The following ALK variants were observed in gnomAD, a reference collection of about 807,000 sequenced individuals.
ALK encodes ALK tyrosine kinase receptor.
In ALK, 74 loss-of-function variants were observed where a neutral mutation model predicts 163.1. That is an observed-to-expected ratio of 0.45 (90% CI 0.38 to 0.55). ALK has a LOEUF of 0.55. Ranked by LOEUF, ALK falls within the 20% of genes least tolerant of loss-of-function variation. The probability of loss-of-function intolerance (pLI) is 0.00; values close to 1 mark genes in which losing one functional copy is unlikely to be tolerated. For synonymous variants in ALK, 960 were observed against 843.2 expected (o/e 1.14, Z -2.40); for missense variants, 2,063 against 2,105.3 (o/e 0.98, Z 0.39).
intron 22 of ALK, 153 bp from the exon 23 acceptor site, chr2:29,220,988 C>G (rs2148167128): frequency 9.3e-7 from 1 of 1,075,078 alleles, no homozygotes; most frequent in Non-Finnish European, 1.4e-6. Context: ...CGGGCTGAGC[C>G]TAAACCCAGA....
At chr2:29,432,976 G>A (rs957411993) in intron 4 of ALK, among the ~76,000 whole-genome samples, 6 of 152,086 alleles carry the variant, frequency 3.9e-5, no homozygotes, top group South Asian at 4.2e-4. Context: ...TGTATGAGCA[G>A]GAAATAGATA....
chr2:29,694,889 C>G lies in ALK; in HGVS notation c.913G>C (p.Asp305His), dbSNP rs2148289684. 1 of 1,614,104 alleles carries G rather than the reference C, an allele frequency of 6.2e-7. No homozygotes were observed. Among genetic ancestry groups the G allele is most frequent in the Non-Finnish European group, 8.5e-7 (1 of 1,179,990 alleles). The change falls in exon 3 of 29, where the codon GAT (aspartate) becomes CAT (histidine). Residue 305 changes from aspartate (D) to histidine (H), a missense_variant. Physicochemically the swap from Asp to His is moderately conservative, Grantham distance 81. Coordinates refer to ENST00000389048, the MANE Select transcript of ALK (RefSeq NM_004304.5). Reference sequence around the variant, plus strand: ...TTAGAACGCTCTGCCCCAGGCCCATCCAGCAAGTCCATCTGGGAGGCCTCC... The same window carrying G: ...TTAGAACGCTCTGCCCCAGGCCCATGCAGCAAGTCCATCTGGGAGGCCTCC... The part of the protein sequence containing the change: ...SEEASQMDLL[D>H]GPGAERSKEM...
At chr2:29,615,123 C>A (rs1339983500) in intron 3 of ALK, among the ~76,000 whole-genome samples, 1 of 152,152 alleles carries the variant, frequency 6.6e-6, no homozygotes, top group Non-Finnish European at 1.5e-5. Flanking sequence ...CCAGCCAATG[C>A]TTTTCTTTAA....
At chr2:29,320,969 C>T in intron 6 of ALK, 87 bp from the exon 7 acceptor site, 2 of 1,512,672 alleles carry the variant, frequency 1.3e-6, no homozygotes, top group Non-Finnish European at 9.2e-7. Flanking sequence ...CCAGGCATGA[C>T]CAAATTATCT....
intron 3 of ALK, among the ~76,000 whole-genome samples, chr2:29,580,757 C>T (rs532514598): frequency 6.0e-4 from 92 of 152,306 alleles, no homozygotes; most frequent in South Asian, 3.5e-3. Flanking sequence ...CGGGCCCTGA[C>T]GTGGTTTGGG....
intron 5 of ALK, among the ~76,000 whole-genome samples, chr2:29,336,976 C>G (rs189496139): frequency 6.6e-6 from 1 of 152,134 alleles, no homozygotes; most frequent in African/African-American, 2.4e-5. Flanking sequence ...GGACTCAGGT[C>G]AAACCTGGGG....
intron 11 of ALK, among the ~76,000 whole-genome samples, chr2:29,253,837 A>T (rs1664881513): frequency 6.9e-6 from 1 of 145,024 alleles, no homozygotes; most frequent in Admixed American, 7.0e-5. Context: ...GAATACATAT[A>T]TCTATATTAG....
chr2:29,619,503 C>T (rs1005685111), intron 3 of ALK, among the ~76,000 whole-genome samples: 1 of 152,166 alleles, frequency 6.6e-6, no homozygotes, highest in African/African-American at 2.4e-5. Context: ...TGTTGCCTTC[C>T]TTCTCTCTGC....
intron 8 of ALK, among the ~76,000 whole-genome samples, chr2:29,305,978 C>T (rs1322368491): frequency 2.6e-5 from 4 of 152,074 alleles, no homozygotes; most frequent in East Asian, 1.9e-4. Flanking sequence ...GGCAGTAACG[C>T]GAGGGATGGC....
chr2:29,511,687 G>T (rs1216619593), intron 4 of ALK, among the ~76,000 whole-genome samples: 6 of 152,092 alleles, frequency 3.9e-5, no homozygotes, highest in Non-Finnish European at 8.8e-5. Flanking sequence ...TGTATGGTAG[G>T]CATATGTCTA....
At chr2:29,422,163 C>T (rs1305429535) in intron 4 of ALK, among the ~76,000 whole-genome samples, 1 of 151,420 alleles carries the variant, frequency 6.6e-6, no homozygotes, top group South Asian at 2.1e-4. Flanking sequence ...TGTGACTCCA[C>T]CTTTCTAAGT....
At chr2:29,491,999 A>G (rs1671914671) in intron 4 of ALK, among the ~76,000 whole-genome samples, 1 of 152,216 alleles carries the variant, frequency 6.6e-6, no homozygotes, top group Non-Finnish European at 1.5e-5. Flanking sequence ...AATACTTATA[A>G]ATTGCACAAT....
intron 8 of ALK, among the ~76,000 whole-genome samples, chr2:29,304,542 C>A (rs1411404602): frequency 6.6e-6 from 1 of 151,746 alleles, no homozygotes; most frequent in Non-Finnish European, 1.5e-5. Context: ...GAATCTCTGG[C>A]CTGATGCCAA....
At chr2:29,412,687 C>G (rs1669752650) in intron 4 of ALK, among the ~76,000 whole-genome samples, 1 of 152,220 alleles carries the variant, frequency 6.6e-6, no homozygotes, top group Non-Finnish European at 1.5e-5. Flanking sequence ...TCACCACTCA[C>G]TTTCATATTA....
intron 3 of ALK, among the ~76,000 whole-genome samples, chr2:29,607,588 C>G (rs1468537834): frequency 6.6e-6 from 1 of 152,306 alleles, no homozygotes; most frequent in East Asian, 1.9e-4. Context: ...AGTCAAGGCT[C>G]AGCTTCTGCT....
At chr2:29,673,810 G>A (rs1200199481) in intron 3 of ALK, among the ~76,000 whole-genome samples, 4 of 151,398 alleles carry the variant, frequency 2.6e-5, no homozygotes, top group Non-Finnish European at 4.4e-5. Context: ...CTACCCAAGA[G>A]CATGGAATGT....
chr2:29,595,506 T>C (rs997101773), intron 3 of ALK, among the ~76,000 whole-genome samples: 4 of 151,936 alleles, frequency 2.6e-5, no homozygotes, highest in Non-Finnish European at 5.9e-5. Flanking sequence ...ATTTTTAGTA[T>C]AGACGGGGTT....
chr2:29,349,441 A>G (rs1263305962), intron 5 of ALK, among the ~76,000 whole-genome samples: 1 of 152,182 alleles, frequency 6.6e-6, no homozygotes, highest in African/African-American at 2.4e-5. Flanking sequence ...TTAATAGTCC[A>G]TTGCTAGTCA....
Position 29,649,946 on chromosome 2 carries a change from T to C in ALK, c.952+44904A>G, listed in dbSNP as rs116862746. Among the ~76,000 whole-genome samples, 136 of 152,242 alleles carry C rather than the reference T, an allele frequency of 8.9e-4. 1 individual carries two copies. The East Asian group carries it at 0.025, about 28-fold the overall frequency. ...TTTATCTTTCACATAAGAAAGCATATGTATAGACCACAAAATCTATGCAGA... is the reference window on the plus strand; with the variant it reads ...TTTATCTTTCACATAAGAAAGCATACGTATAGACCACAAAATCTATGCAGA... On this transcript the variant is annotated intron_variant, in intron 3 of 28. Transcript: ENST00000389048.
Sources: gnomAD v4.1 joint callset for allele counts (sites outside exome capture counted in the v4.1 genomes callset) on GRCh38, gnomAD v4.1.1 for gene constraint, MANE v1.5 for transcripts, NCBI Gene and HGNC (gene_info 2026-07-23, HGNC 2026-07-21) for gene names.